Variants in SHISA9 observed in about 807,000 individuals in gnomAD.
The protein encoded by SHISA9 is protein shisa-9.
A neutral mutation model predicts 38.0 loss-of-function variants in SHISA9; 13 were observed. The ratio of observed to expected loss-of-function variants is 0.34; its 90% CI spans 0.22 to 0.54. The LOEUF (loss-of-function observed/expected upper bound fraction) is 0.54, where lower values mean the gene tolerates loss of function less well. Among genes scored for constraint, SHISA9 ranks in the 20% least tolerant of loss-of-function variants. The probability of loss-of-function intolerance (pLI) is 0.91; values close to 1 mark genes in which losing one functional copy is unlikely to be tolerated. For synonymous variants in SHISA9, 275 were observed against 242.0 expected, an observed-to-expected ratio of 1.14 and a Z score of -1.27; for missense variants, 538 against 575.8, an observed-to-expected ratio of 0.93 and a Z score of 0.67.
chr16:12,992,907 T>C (rs2072406515), intron 2 of SHISA9, among the ~76,000 whole-genome samples: 1 of 152,204 alleles, frequency 6.6e-6, no homozygotes, highest in Non-Finnish European at 1.5e-5. Context: ...TGCTATGAGG[T>C]AGATACTAGT....
In SHISA9 at chr16:12,994,527, T is replaced by G. The variant is rs1044860125; in HGVS notation, c.691+77712T>G. Among the ~76,000 whole-genome samples the G allele has an allele frequency of 3.9e-5, 6 of 152,246 alleles. 1 individual carries two copies. Among genetic ancestry groups the G allele is most frequent in the African/African-American group, 1.4e-4 (6 of 41,538 alleles). ...CCATGAGAATGACAAGCCCCAGATT[T>G]ATGGTGGTGGTGGTAGTGGTGGTGG... On this transcript the variant is annotated intron_variant, in intron 2 of 4. Transcript: ENST00000558583.
chr16:12,940,596 C>T (rs1169016851), intron 2 of SHISA9, among the ~76,000 whole-genome samples: 1 of 152,196 alleles, frequency 6.6e-6, no homozygotes, highest in African/African-American at 2.4e-5. Flanking sequence ...CCCCTGCTTT[C>T]CTTTGTTCTG....
At chr16:13,038,007 TG>T (rs1173016229) in intron 2 of SHISA9, among the ~76,000 whole-genome samples, 3 of 152,210 alleles carry the variant, frequency 2.0e-5, no homozygotes, top group African/African-American at 4.8e-5. Flanking sequence ...TTTCTTTGTT[TG>T]GAGACAGGGC....
At chr16:12,904,874 T>A (rs1182928374) in intron 1 of SHISA9, among the ~76,000 whole-genome samples, 2 of 152,098 alleles carry the variant, frequency 1.3e-5, no homozygotes, top group East Asian at 3.9e-4. Flanking sequence ...TCTGTATTAT[T>A]ATTTATTTAT....
chr16:13,267,736 G>T, the SHISA9 span, among the ~76,000 whole-genome samples: 1 of 152,116 alleles, frequency 6.6e-6, no homozygotes, highest in Non-Finnish European at 1.5e-5. Context: ...TCTATTCTCT[G>T]CTCCATCTTC....
chr16:13,251,471 G>C, the SHISA9 span, among the ~76,000 whole-genome samples: 1 of 152,068 alleles, frequency 6.6e-6, no homozygotes, highest in Non-Finnish European at 1.5e-5. Context: ...AGTGTGAGAG[G>C]GTTAACACAC....
chr16:13,336,910 A>T, the SHISA9 span, among the ~76,000 whole-genome samples: 22 of 152,348 alleles, frequency 1.4e-4, no homozygotes, highest in Admixed American at 1.1e-3. Context: ...ACATGACTAA[A>T]GTGGAACAGA....
the SHISA9 span, among the ~76,000 whole-genome samples, chr16:13,554,722 C>T: frequency 3.9e-5 from 6 of 152,298 alleles, no homozygotes; most frequent in Admixed American, 1.3e-4. Context: ...GAACTCCTCA[C>T]CTCAGGTGAT....
chr16:13,217,669 A>G (rs436065), intron 4 of SHISA9, among the ~76,000 whole-genome samples: 72,479 of 152,022 alleles, frequency 0.48, 18,013 homozygotes, highest in East Asian at 0.75. Flanking sequence ...AGTACTCACA[A>G]AGTCTCCATT....
At chr16:13,014,767 A>AT (rs1457487685) in intron 2 of SHISA9, among the ~76,000 whole-genome samples, 8 of 152,220 alleles carry the variant, frequency 5.3e-5, no homozygotes, top group Non-Finnish European at 1.0e-4. Flanking sequence ...CCCCATACAA[A>AT]TGCCTTGATG....
chr16:13,445,347 T>G, the SHISA9 span, among the ~76,000 whole-genome samples: 114 of 152,264 alleles, frequency 7.5e-4, no homozygotes, highest in African/African-American at 2.4e-3. Context: ...CAGTTAAATT[T>G]GAATGAATTT....
the SHISA9 span, among the ~76,000 whole-genome samples, chr16:13,257,665 T>C: frequency 6.6e-6 from 1 of 152,170 alleles, no homozygotes; most frequent in African/African-American, 2.4e-5. Flanking sequence ...ACTCCACATG[T>C]CTTTGCAGGT....
intron 2 of SHISA9, among the ~76,000 whole-genome samples, chr16:13,013,122 G>A (rs2072698942): frequency 1.3e-5 from 2 of 152,186 alleles, no homozygotes; most frequent in Non-Finnish European, 1.5e-5. Flanking sequence ...AGGATCAGAG[G>A]AGTCTTTCTG....
chr16:13,487,174 C>T, the SHISA9 span, among the ~76,000 whole-genome samples: 301 of 152,324 alleles, frequency 2.0e-3, no homozygotes, highest in African/African-American at 7.0e-3. Context: ...AGGACCCTGG[C>T]AGATACCAAA....
At chr16:13,449,693 C>T in the SHISA9 span, among the ~76,000 whole-genome samples, 2,323 of 152,304 alleles carry the variant, frequency 0.015, 21 homozygotes, top group Middle Eastern at 0.034. Context: ...ATGATATTCA[C>T]GGCAAACCCC....
At chr16:13,459,124 G>A in the SHISA9 span, among the ~76,000 whole-genome samples, 1 of 152,090 alleles carries the variant, frequency 6.6e-6, no homozygotes, top group Non-Finnish European at 1.5e-5. Flanking sequence ...AGAGTGCTGG[G>A]ATTACAGATG....
the SHISA9 span, among the ~76,000 whole-genome samples, chr16:13,370,393 G>A: frequency 1.2e-4 from 19 of 152,264 alleles, no homozygotes; most frequent in South Asian, 1.0e-3. Flanking sequence ...AAATGCCTTG[G>A]CCCAAAGACA....
At chr16:13,447,483 C>G in the SHISA9 span, among the ~76,000 whole-genome samples, 2 of 152,192 alleles carry the variant, frequency 1.3e-5, no homozygotes, top group African/African-American at 4.8e-5. Flanking sequence ...GCTTACCCAG[C>G]AATGCGGGGC....
chr16:13,025,846 C>G (rs1451398165), intron 2 of SHISA9, among the ~76,000 whole-genome samples: 1 of 152,004 alleles, frequency 6.6e-6, no homozygotes, highest in African/African-American at 2.4e-5. Flanking sequence ...CCTCTTGTTG[C>G]CCATGCTGGA....
Sources: gnomAD v4.1 joint callset for allele counts (sites outside exome capture counted in the v4.1 genomes callset) on GRCh38, gnomAD v4.1.1 for gene constraint, MANE v1.5 for transcripts, NCBI Gene and HGNC (gene_info 2026-07-23, HGNC 2026-07-21) for gene names.